SLC6A15: variants seen among roughly 807,000 people sequenced by gnomAD.
SLC6A15 encodes sodium-dependent neutral amino acid transporter B(0)AT2.
Under a neutral mutation model 68.5 loss-of-function variants are expected in SLC6A15, and 33 were observed. That is an observed-to-expected ratio of 0.48 (90% confidence interval 0.37 to 0.64). SLC6A15 has a LOEUF of 0.64. SLC6A15 is among the 30% of genes least tolerant of loss of function. The pLI is 0.00. For missense variants in SLC6A15, 747 were observed against 874.3 expected (o/e 0.85, Z 1.84); for synonymous variants, 347 against 301.0 (o/e 1.15, Z -1.58).
At chr12:84,894,997 T>C (rs1452238235) in intron 1 of SLC6A15, among the ~76,000 whole-genome samples, 1 of 152,066 alleles carries the variant, frequency 6.6e-6, no homozygotes, top group Non-Finnish European at 1.5e-5. Context: ...CCTTTTCTCA[T>C]ATGAGCAAAA....
intron 2 of SLC6A15, among the ~76,000 whole-genome samples, chr12:84,890,291 C>T (rs757140305): frequency 3.3e-5 from 5 of 152,150 alleles, no homozygotes; most frequent in Non-Finnish European, 7.4e-5. Context: ...CATATAAAAT[C>T]TTTTAGCACT....
At chr12:84,877,727 C>T (rs1372330668) in intron 5 of SLC6A15, among the ~76,000 whole-genome samples, 4 of 152,130 alleles carry the variant, frequency 2.6e-5, no homozygotes, top group Non-Finnish European at 4.4e-5. Context: ...TTTTTCTATC[C>T]TTTCTCTCCC....
chr12:84,904,250 A>AGAGAGAGAG (rs58378838), intron 1 of SLC6A15, among the ~76,000 whole-genome samples: 11 of 149,372 alleles, frequency 7.4e-5, no homozygotes, highest in Non-Finnish European at 1.2e-4. Flanking sequence ...AGAGAGAGAG[A>AGAGAGAGAG]AATAGTCTCA....
intron 10 of SLC6A15, among the ~76,000 whole-genome samples, chr12:84,863,920 A>T (rs1482341977): frequency 6.6e-6 from 1 of 151,616 alleles, no homozygotes; most frequent in Non-Finnish European, 1.5e-5. Flanking sequence ...AATAATTACA[A>T]AAAGGAATTA....
intron 1 of SLC6A15, among the ~76,000 whole-genome samples, chr12:84,907,202 G>A (rs977095946): frequency 1.3e-5 from 2 of 151,994 alleles, no homozygotes; most frequent in African/African-American, 4.8e-5. Flanking sequence ...ACAAAAATTA[G>A]CCGGGCGTGG....
rs67339994 is a variant in SLC6A15, at chr12:84,895,339, A to ATTTTTTTTTTTTTTTTTTTTTTTT, written c.-188-3055_-188-3032dup. ...CTTAGATGTTTTCATTTTTGTTTGT[A>ATTTTTTTTTTTTTTTTTTTTTTTT]TTTTTTTTTTTTTTTTTTTTTTTTT... On this transcript the variant is annotated intron_variant, in intron 1 of 11. Coordinates refer to ENST00000266682, the MANE Select transcript of SLC6A15 (RefSeq NM_182767.6). 2.0e-4 allele frequency among the ~76,000 whole-genome samples: 11 copies of ATTTTTTTTTTTTTTTTTTTTTTTT among 54,784 alleles called. 3 individuals are homozygous for ATTTTTTTTTTTTTTTTTTTTTTTT. The highest frequency in any genetic ancestry group is 3.4e-4 in the African/African-American group (5 of 14,842). The allele number at this position is 54,784 out of a possible 152,430, so 35.9% of individuals were successfully genotyped here.
intron 9 of SLC6A15, 138 bp downstream of exon 9, chr12:84,870,340 T>A (rs1362899751): frequency 8.3e-6 from 3 of 361,166 alleles, no homozygotes; most frequent in Non-Finnish European, 1.5e-5. Context: ...AATTATACAA[T>A]GTATACAATA....
intron 10 of SLC6A15, among the ~76,000 whole-genome samples, chr12:84,865,949 C>T (rs1485611721): frequency 6.6e-6 from 1 of 152,094 alleles, no homozygotes; most frequent in Non-Finnish European, 1.5e-5. Context: ...TGGGTAAATA[C>T]CAAGTAGCAT....
Position 84,861,776 on chromosome 12 carries a change from G to A in SLC6A15, c.2049C>T (p.Ser683=), listed in dbSNP as rs151316112. ...TACCAAAATTTGGAGATGGCATCTCGCTCGGTATTTTTCCGTGAATGAGGC... is the reference window on the plus strand; with the variant it reads ...TACCAAAATTTGGAGATGGCATCTCACTCGGTATTTTTCCGTGAATGAGGC... ...DTSLIHGKIP[S]EMPSPNFGKN... The change falls in exon 12 of 12, where the codon AGC becomes AGT. Residue 683 remains serine (S), a synonymous_variant. Transcript: ENST00000266682. 2.1e-5 allele frequency: 34 copies of A among 1,613,766 alleles called. No homozygotes were observed. Among genetic ancestry groups the A allele is most frequent in the Non-Finnish European group, 2.7e-5 (32 of 1,179,942 alleles).
At chr12:84,900,279 C>T (rs1872801542) in intron 1 of SLC6A15, among the ~76,000 whole-genome samples, 1 of 151,970 alleles carries the variant, frequency 6.6e-6, no homozygotes, top group African/African-American at 2.4e-5. Context: ...TTATATTTTG[C>T]TAGTATATGC....
At position 84,867,180 on chromosome 12, in the gene SLC6A15, A is replaced by G. The variant is rs1258910102; in HGVS notation, c.1509T>C (p.Leu503=). 6 of 1,600,922 alleles carry G rather than the reference A, an allele frequency of 3.7e-6. No individual in the cohort carries two copies. Among genetic ancestry groups the G allele is most frequent in the Non-Finnish European group, 5.1e-6 (6 of 1,174,516 alleles). ...RKEILTVICC[L]LAFCIGLIFV... ...ATATCAGGCCAATACAAAATGCCAG[A>G]AGACAACAGATAACTAGACAAAAGA... Residue 503 remains leucine (L), a synonymous_variant, in exon 10 of 12, where the codon CTT becomes CTC. Coordinates refer to ENST00000266682, the MANE Select transcript of SLC6A15 (RefSeq NM_182767.6).
In SLC6A15 at chr12:84,861,731, C is replaced by A; in HGVS notation, c.2094G>T (p.Gln698His). ...CAGTATCCAGAGTTGGGGATCCACTCTGTTTTCGATAAATATTTTTACCAA... is the reference window on the plus strand; with the variant it reads ...CAGTATCCAGAGTTGGGGATCCACTATGTTTTCGATAAATATTTTTACCAA... The part of the protein sequence containing the change: ...PNFGKNIYRK[Q>H]SGSPTLDTAP... Residue 698 changes from glutamine to histidine, a missense_variant, in exon 12 of 12, where the codon CAG (glutamine) becomes CAT (histidine). Physicochemically the swap from Gln to His is conservative, Grantham distance 24. Transcript: ENST00000266682. 1.2e-6 allele frequency: 2 copies of A among 1,613,976 alleles called. No homozygotes were observed. Among genetic ancestry groups the A allele is most frequent in the Non-Finnish European group, 1.7e-6 (2 of 1,179,906 alleles).
Position 84,860,482 on chromosome 12 carries a change from T to C in SLC6A15, c.*1150A>G, listed in dbSNP as rs1482616303. The stretch of plus-strand genomic sequence containing the variant: ...ACATAAGAACACCATTGAACCATAA[T>C]ACTCTATTTTTCCTTAGACTCTGAA... On this transcript the variant is annotated 3_prime_UTR_variant, in exon 12 of 12. Transcript: ENST00000266682. 2.0e-5 allele frequency: 3 copies of C among 152,246 alleles called. No homozygotes were observed. Among genetic ancestry groups the C allele is most frequent in the African/African-American group, 4.8e-5 (2 of 41,576 alleles). 9.4% of individuals were successfully genotyped at this position (152,246 alleles called of 1,614,324 possible). A position where few individuals can be genotyped will look rare whatever the true frequency, so the allele number is the denominator to read the frequency against.
At chr12:84,886,711 G>C (rs1872121316) in intron 2 of SLC6A15, among the ~76,000 whole-genome samples, 1 of 151,934 alleles carries the variant, frequency 6.6e-6, no homozygotes, top group Non-Finnish European at 1.5e-5. Flanking sequence ...AAGGTAGTGA[G>C]AGTCATTAAG....
chr12:84,871,568 A>C (rs1871287882), intron 8 of SLC6A15, among the ~76,000 whole-genome samples: 1 of 152,090 alleles, frequency 6.6e-6, no homozygotes, highest in South Asian at 2.1e-4. Context: ...TCATAAAGAC[A>C]GATGAGAATT....
chr12:84,886,178 T>C (rs1592604381), intron 2 of SLC6A15, 110 bp from the exon 3 acceptor site: 1 of 639,880 alleles, frequency 1.6e-6, no homozygotes, highest in South Asian at 3.7e-5. Context: ...AGTGCAATTA[T>C]GGAGAGCTCT....
At chr12:84,901,256 T>C (rs1027771982) in intron 1 of SLC6A15, among the ~76,000 whole-genome samples, 1 of 151,652 alleles carries the variant, frequency 6.6e-6, no homozygotes, top group South Asian at 2.1e-4. Context: ...TTTCTGAAAA[T>C]GTTTTAAATT....
intron 2 of SLC6A15, among the ~76,000 whole-genome samples, chr12:84,886,831 T>C (rs1006317650): frequency 5.3e-5 from 8 of 152,218 alleles, no homozygotes; most frequent in African/African-American, 1.9e-4. Context: ...TTAAGACATA[T>C]GACTATGACT....
At chr12:84,884,297 T>C (rs561209957) in intron 4 of SLC6A15, among the ~76,000 whole-genome samples, 16 of 152,174 alleles carry the variant, frequency 1.1e-4, no homozygotes, top group African/African-American at 3.1e-4. Context: ...TATTTATTTA[T>C]TTTTATTTTA....
Sources: allele counts gnomAD v4.1 joint callset (sites outside exome capture counted in the v4.1 genomes callset), GRCh38; gene constraint gnomAD v4.1.1; transcripts MANE v1.5; gene names NCBI Gene and HGNC (gene_info 2026-07-23, HGNC 2026-07-21).